The following NALCN variants were observed in gnomAD, a reference collection of about 807,000 sequenced individuals.
NALCN encodes sodium leak channel NALCN.
In NALCN, 111 loss-of-function variants were observed where a neutral mutation model predicts 225.3. The observed-to-expected ratio is 0.49, with a 90% CI of 0.42 to 0.58. The LOEUF (loss-of-function observed/expected upper bound fraction) is 0.58, where lower values mean the gene tolerates loss of function less well. NALCN is among the 20% of genes least tolerant of loss of function. The probability of loss-of-function intolerance (pLI) is 0.00; values close to 1 mark genes in which losing one functional copy is unlikely to be tolerated. For synonymous variants in NALCN, 764 were observed against 769.0 expected (o/e 0.99, Z 0.11); for missense variants, 1,378 against 2,202.4 (o/e 0.63, Z 7.49).
intron 7 of NALCN, 22 bp downstream of exon 7, chr13:101,345,244 G>A (rs376681032): frequency 1.2e-5 from 20 of 1,601,176 alleles, no homozygotes; most frequent in East Asian, 2.2e-5. Flanking sequence ...AACTTAAAAC[G>A]TATTTTACCA....
chr13:101,063,229 C>T (rs947779891), intron 40 of NALCN, among the ~76,000 whole-genome samples: 1 of 152,238 alleles, frequency 6.6e-6, no homozygotes, highest in Non-Finnish European at 1.5e-5. Flanking sequence ...AGCCTGGAGG[C>T]TCTTGAGAGC....
intron 1 of NALCN, among the ~76,000 whole-genome samples, chr13:101,401,056 G>A (rs963873152): frequency 7.9e-5 from 12 of 152,104 alleles, no homozygotes; most frequent in African/African-American, 2.2e-4. Context: ...ATTAGCCAGC[G>A]TCGTCAGGTA....
At chr13:101,060,531 T>G (rs548244784) in intron 41 of NALCN, among the ~76,000 whole-genome samples, 6 of 148,860 alleles carry the variant, frequency 4.0e-5, no homozygotes, top group East Asian at 4.0e-4. Context: ...TCTTAAGCGA[T>G]CCTCCCGCCT....
intron 27 of NALCN, among the ~76,000 whole-genome samples, chr13:101,097,527 G>T (rs1279010045): frequency 5.9e-5 from 9 of 152,134 alleles, no homozygotes; most frequent in African/African-American, 1.9e-4. Context: ...TTGGTGAAAA[G>T]CCAGGGTGCC....
chr13:101,080,189 G>A (rs931975845), intron 34 of NALCN, among the ~76,000 whole-genome samples: 1 of 152,140 alleles, frequency 6.6e-6, no homozygotes, highest in African/African-American at 2.4e-5. Flanking sequence ...AAATAAATTA[G>A]TCAAGGCTGG....
At chr13:101,216,412 G>GA in intron 13 of NALCN, among the ~76,000 whole-genome samples, 1 of 152,212 alleles carries the variant, frequency 6.6e-6, no homozygotes, top group Middle Eastern at 3.4e-3. Flanking sequence ...CTCCATGGGA[G>GA]AGTGAGAGGA....
Position 101,337,937 on chromosome 13 carries a change from A to G in NALCN, c.799+7329T>C, listed in dbSNP as rs1479816764. Among the ~76,000 whole-genome samples the G allele has an allele frequency of 2.0e-5, 3 of 152,158 alleles. No homozygotes were observed. The East Asian group carries it at 5.8e-4, about 29-fold the overall frequency. On this transcript the variant is annotated intron_variant, in intron 7 of 43. Transcript: ENST00000251127. ...CTTGCTTATCTCATTCTCCCCACTCATCAGCTGAGGGATAATGATACCCCA... is the reference window on the plus strand; with the variant it reads ...CTTGCTTATCTCATTCTCCCCACTCGTCAGCTGAGGGATAATGATACCCCA...
At chr13:101,195,157 A>G (rs2039838264) in intron 13 of NALCN, among the ~76,000 whole-genome samples, 1 of 152,228 alleles carries the variant, frequency 6.6e-6, no homozygotes, top group African/African-American at 2.4e-5. Flanking sequence ...AACTGACCTC[A>G]GTAATGCACA....
chr13:101,065,015 A>G (rs143092244), intron 40 of NALCN, among the ~76,000 whole-genome samples: 1 of 152,352 alleles, frequency 6.6e-6, no homozygotes, highest in Non-Finnish European at 1.5e-5. Flanking sequence ...TCTGCATGTT[A>G]GTCCCAGCTT....
chr13:101,107,834 G>T, intron 20 of NALCN, 45 bp from the exon 21 acceptor site: 1 of 1,516,726 alleles, frequency 6.6e-7, no homozygotes, highest in South Asian at 1.3e-5. Flanking sequence ...GGAGGGTTTT[G>T]AATGCAAAAT....
intron 13 of NALCN, among the ~76,000 whole-genome samples, chr13:101,223,316 AG>A (rs1251713098): frequency 6.6e-6 from 1 of 152,192 alleles, no homozygotes; most frequent in Non-Finnish European, 1.5e-5. Context: ...CCATCAAGCC[AG>A]GGGACACCTT....
In NALCN at chr13:101,089,712, C is replaced by T. The variant is rs1025438606; in HGVS notation, c.3440G>A (p.Gly1147Glu). 3 of 1,614,052 alleles carry T rather than the reference C, an allele frequency of 1.9e-6. No homozygotes were observed. Among genetic ancestry groups the T allele is most frequent in the Admixed American group, 1.7e-5 (1 of 60,018 alleles). The change falls in exon 30 of 44, where the codon GGA becomes GAA. Residue 1147 changes from glycine (G) to glutamate (E), a missense_variant. Around this residue, in one of 19 missense-constraint regions of NALCN, gnomAD observed 10 missense variants for 61.6 expected, o/e 0.16. Transcript: ENST00000251127. The surrounding 1 kb of genome is among the most constrained non-coding windows in gnomAD (Gnocchi z 4.7). Reference sequence around the variant, plus strand: ...AACTACTCCAACAAAAAGGGTCAGTCCAATCATGCAACCCAGGAATACAAA... The same window carrying T: ...AACTACTCCAACAAAAAGGGTCAGTTCAATCATGCAACCCAGGAATACAAA... ...HVFVFLGCMI[G>E]LTLFVGVVIA...
At chr13:101,105,535 G>A (rs1252824036) in intron 22 of NALCN, among the ~76,000 whole-genome samples, 1 of 151,994 alleles carries the variant, frequency 6.6e-6, no homozygotes, top group Non-Finnish European at 1.5e-5. Flanking sequence ...TTCAACATCA[G>A]CTGCCTTGCT....
chr13:101,365,706 A>G, intron 6 of NALCN, among the ~76,000 whole-genome samples: 1 of 152,164 alleles, frequency 6.6e-6, no homozygotes. Context: ...CTTAAAATCG[A>G]ATAACAGGCT....
At chr13:101,155,943 C>T (rs1001641840) in intron 15 of NALCN, among the ~76,000 whole-genome samples, 2 of 152,100 alleles carry the variant, frequency 1.3e-5, no homozygotes, top group African/African-American at 4.8e-5. Context: ...ATTTCTATTT[C>T]TCTACATTTC....
chr13:101,353,457 A>G (rs2045962983), intron 6 of NALCN, among the ~76,000 whole-genome samples: 1 of 152,212 alleles, frequency 6.6e-6, no homozygotes, highest in Non-Finnish European at 1.5e-5. Flanking sequence ...GAATTGGTCT[A>G]GCTAATTCTA....
rs61142230 is a variant in NALCN at position 101,136,314 on chromosome 13, A to ATTTATTTATTTTT, written c.2118+6765_2118+6766insAAAAATAAATAAA. Among the ~76,000 whole-genome samples the ATTTATTTATTTTT allele has an allele frequency of 8.1e-5, 6 of 74,232 alleles. No homozygotes were observed. The Admixed American group carries it at 8.2e-4, about 10-fold the overall frequency. 48.7% of individuals were successfully genotyped at this position (74,232 alleles called of 152,430 possible). On this transcript the variant is annotated intron_variant, in intron 17 of 43. Coordinates refer to ENST00000251127, the MANE Select transcript of NALCN (RefSeq NM_052867.4). ...GTTTTATTTATTTATTTATTTATTT[A>ATTTATTTATTTTT]TATATTATACTTTAGGTTCTAGGGT...
chr13:101,075,733 T>G (rs929643681), intron 35 of NALCN, 140 bp downstream of exon 35: 6 of 538,412 alleles, frequency 1.1e-5, no homozygotes, highest in Admixed American at 3.9e-5. Context: ...TGTTTAATAT[T>G]TGTTAATCTT....
At chr13:101,341,834 G>C (rs1055807462) in intron 7 of NALCN, among the ~76,000 whole-genome samples, 16 of 152,188 alleles carry the variant, frequency 1.1e-4, no homozygotes. Context: ...CCAGAAGGTA[G>C]GACCTTTGGG....
Sources: gnomAD v4.1 joint callset for allele counts (sites outside exome capture counted in the v4.1 genomes callset) on GRCh38, gnomAD v4.1.1 for gene constraint, gnomAD v4.1.1 regional missense constraint, Gnocchi (gnomAD v3.1) non-coding constraint, MANE v1.5 for transcripts, NCBI Gene and HGNC (gene_info 2026-07-23, HGNC 2026-07-21) for gene names.